PIAS2: variants seen among roughly 807,000 people sequenced by gnomAD.
PIAS2 encodes the protein protein inhibitor of activated STAT 2.
In PIAS2, 19 loss-of-function variants were observed where a neutral mutation model predicts 69.7. The ratio of observed to expected loss-of-function variants is 0.27; its 90% CI spans 0.19 to 0.40. The LOEUF (loss-of-function observed/expected upper bound fraction) is 0.40. Among genes scored for constraint, PIAS2 ranks in the 10% least tolerant of loss-of-function variants. The pLI is 1.00. For synonymous variants in PIAS2, 261 were observed against 263.2 expected (o/e 0.99, Z 0.08); for missense variants, 624 against 757.0 (o/e 0.82, Z 2.06).
chr18:46,840,303 C>G (rs1270074449), intron 8 of PIAS2, among the ~76,000 whole-genome samples: 3 of 152,176 alleles, frequency 2.0e-5, no homozygotes, highest in African/African-American at 7.2e-5. Flanking sequence ...CATTAGCCAT[C>G]AGAGCAATGA....
chr18:46,861,902 G>A (rs541005956), intron 3 of PIAS2, among the ~76,000 whole-genome samples: 1 of 152,224 alleles, frequency 6.6e-6, no homozygotes, highest in Non-Finnish European at 1.5e-5. Context: ...GTAGTTAATA[G>A]TACTGTACCA....
chr18:46,855,246 G>A, intron 5 of PIAS2, 99 bp downstream of exon 5: 1 of 711,746 alleles, frequency 1.4e-6, no homozygotes, highest in Admixed American at 2.4e-5. Context: ...TGCTAAAACT[G>A]TTCACTGGTA....
intron 11 of PIAS2, among the ~76,000 whole-genome samples, chr18:46,821,636 C>T (rs1317153099): frequency 6.6e-6 from 1 of 151,998 alleles, no homozygotes; most frequent in South Asian, 2.1e-4. Flanking sequence ...CAATCAGAAA[C>T]GAGGATGAGT....
intron 1 of PIAS2, among the ~76,000 whole-genome samples, chr18:46,909,808 T>C (rs773129096): frequency 3.3e-5 from 5 of 152,218 alleles, no homozygotes; most frequent in Admixed American, 6.5e-5. Flanking sequence ...TCAGGGTTTT[T>C]CTGCAAGACA....
At chr18:46,857,205 G>A (rs1446588599) in intron 3 of PIAS2, among the ~76,000 whole-genome samples, 1 of 152,024 alleles carries the variant, frequency 6.6e-6, no homozygotes, top group Non-Finnish European at 1.5e-5. Context: ...GACCTCTTCT[G>A]AGCAACCCAT....
In PIAS2 at chr18:46,810,036, C is replaced by T. The variant is rs1270304168; in HGVS notation, c.*2397G>A. On this transcript the variant is annotated 3_prime_UTR_variant, in exon 14 of 14. Transcript: ENST00000585916. ...AGTCATAAAGTACTAATGCTCAAGA[C>T]AGATAAACAACGTAAGCCCCAATTT... is the stretch of plus-strand genomic sequence containing the variant. 2 of 152,056 alleles carry T rather than the reference C, an allele frequency of 1.3e-5. No homozygotes were observed. The highest frequency in any genetic ancestry group is 1.9e-4 in the East Asian group (1 of 5,198). 9.4% of individuals were successfully genotyped at this position (152,056 alleles called of 1,614,324 possible).
intron 11 of PIAS2, 67 bp from the exon 12 acceptor site, chr18:46,821,139 C>A: frequency 6.5e-7 from 1 of 1,534,970 alleles, no homozygotes; most frequent in Non-Finnish European, 9.0e-7. Context: ...AAGAGCTGCA[C>A]CACTGGGCAT....
At chr18:46,870,929 T>C (rs746045439) in intron 2 of PIAS2, among the ~76,000 whole-genome samples, 44 of 151,902 alleles carry the variant, frequency 2.9e-4, no homozygotes, top group Admixed American at 7.2e-4. Context: ...CTCAGGGAAA[T>C]GGTAATAAAA....
Position 46,913,116 on chromosome 18 carries a change from C to T in PIAS2, c.24+4206G>A, listed in dbSNP as rs183018042. Among the ~76,000 whole-genome samples the T allele has an allele frequency of 2.5e-3, 375 of 152,274 alleles. 2 individuals are homozygous for T. The highest frequency in any genetic ancestry group is 8.6e-3 in the African/African-American group (356 of 41,548). On this transcript the variant is annotated intron_variant, in intron 1 of 13. Transcript: ENST00000585916. ...ATATGGAAGATTCTGTTATATCTAT[C>T]ATAGCTATTAGTCTGTATCCCTGCC...
intron 5 of PIAS2, among the ~76,000 whole-genome samples, chr18:46,849,423 C>T (rs1568502411): frequency 6.6e-6 from 1 of 152,120 alleles, no homozygotes; most frequent in South Asian, 2.1e-4. Context: ...AGCCTTCACA[C>T]ATATTTCTAA....
At chr18:46,840,635 C>T (rs577629925) in intron 8 of PIAS2, among the ~76,000 whole-genome samples, 1 of 152,214 alleles carries the variant, frequency 6.6e-6, no homozygotes, top group African/African-American at 2.4e-5. Flanking sequence ...CTCTAGTGGT[C>T]TTATAAGAAC....
At chr18:46,868,219 A>G (rs1030285747) in intron 2 of PIAS2, among the ~76,000 whole-genome samples, 1 of 152,206 alleles carries the variant, frequency 6.6e-6, no homozygotes, top group Non-Finnish European at 1.5e-5. Context: ...TTCCTCTTCA[A>G]AGGTTTAATT....
At chr18:46,825,426 A>G (rs1453614085) in intron 11 of PIAS2, among the ~76,000 whole-genome samples, 1 of 152,210 alleles carries the variant, frequency 6.6e-6, no homozygotes, top group Non-Finnish European at 1.5e-5. Context: ...GGTAATAAAG[A>G]ACAAACTTAA....
chr18:46,881,444 G>C (rs1174632041), intron 2 of PIAS2, among the ~76,000 whole-genome samples: 2 of 152,098 alleles, frequency 1.3e-5, no homozygotes, highest in African/African-American at 2.4e-5. Flanking sequence ...ACTGAATATT[G>C]CTATATAGAT....
chr18:46,900,228 G>A (rs1310117898), intron 1 of PIAS2, among the ~76,000 whole-genome samples: 1 of 152,024 alleles, frequency 6.6e-6, no homozygotes, highest in African/African-American at 2.4e-5. Context: ...GCTGGGTGTG[G>A]TGTGGGAGCC....
At chr18:46,837,627 T>C (rs898033039) in intron 8 of PIAS2, among the ~76,000 whole-genome samples, 10 of 152,152 alleles carry the variant, frequency 6.6e-5, no homozygotes, top group Admixed American at 4.6e-4. Flanking sequence ...TAATCAACTG[T>C]GTCAATTTTT....
chr18:46,855,674 C>T, intron 3 of PIAS2, 59 bp from the exon 4 acceptor site: 4 of 1,306,172 alleles, frequency 3.1e-6, no homozygotes, highest in Non-Finnish European at 4.4e-6. Flanking sequence ...TCAGAACAGT[C>T]TCCCCAGGAG....
At chr18:46,815,574 A>C (rs1164547405) in intron 12 of PIAS2, 4 of 1,202,530 alleles carry the variant, frequency 3.3e-6, no homozygotes, top group South Asian at 2.7e-5. Flanking sequence ...CAGAGACTCA[A>C]ATGCAGAAGT....
intron 2 of PIAS2, among the ~76,000 whole-genome samples, chr18:46,865,555 G>A (rs1468937928): frequency 6.7e-6 from 1 of 148,474 alleles, no homozygotes; most frequent in Non-Finnish European, 1.5e-5. Flanking sequence ...AATGGTCCTT[G>A]TATATAACAC....
Sources: allele counts gnomAD v4.1 joint callset (sites outside exome capture counted in the v4.1 genomes callset), GRCh38; gene constraint gnomAD v4.1.1; transcripts MANE v1.5; gene names NCBI Gene and HGNC (gene_info 2026-07-23, HGNC 2026-07-21).